PLAUR: variants seen among roughly 807,000 people sequenced by gnomAD.
PLAUR encodes urokinase plasminogen activator surface receptor.
In PLAUR, 22 loss-of-function variants were observed where a neutral mutation model predicts 33.4. The ratio of observed to expected loss-of-function variants is 0.66; its 90% CI spans 0.47 to 0.94. PLAUR has a LOEUF of 0.94. PLAUR is among the 40% of genes least tolerant of loss of function. PLAUR has a pLI of 0.00. For synonymous variants in PLAUR, 148 were observed against 167.3 expected, an observed-to-expected ratio of 0.88 and a Z score of 0.89; for missense variants, 408 against 434.7, an observed-to-expected ratio of 0.94 and a Z score of 0.55.
intron 6 of PLAUR, among the ~76,000 whole-genome samples, chr19:43,651,445 T>TG (rs1480870163): frequency 2.0e-5 from 3 of 151,142 alleles, no homozygotes; most frequent in Non-Finnish European, 4.4e-5. Context: ...GAGTTTTTTT[T>TG]TTTTTTTGAG....
intron 5 of PLAUR, among the ~76,000 whole-genome samples, chr19:43,653,758 T>C (rs1427671554): frequency 2.0e-5 from 3 of 152,174 alleles, no homozygotes; most frequent in Admixed American, 6.5e-5. Flanking sequence ...GGCAGAAGGA[T>C]TGCTTGAGCC....
chr19:43,648,585 G>T lies in PLAUR; in HGVS notation c.*305C>A. ...AAGGGCATACCTGGCCTTGTCCACTGGTACAAAATCTTTATGTAAGTATAA... is the reference window on the plus strand; with the variant it reads ...AAGGGCATACCTGGCCTTGTCCACTTGTACAAAATCTTTATGTAAGTATAA... On this transcript the variant is annotated 3_prime_UTR_variant, in exon 7 of 7. Coordinates refer to ENST00000340093, the MANE Select transcript of PLAUR (RefSeq NM_002659.4). 1 of 1,010,462 alleles carries T rather than the reference G, an allele frequency of 9.9e-7. No homozygotes were observed. 62.6% of individuals were successfully genotyped at this position (1,010,462 alleles called of 1,614,324 possible).
At chr19:43,666,674 TCTC>T (rs2146285240) in intron 2 of PLAUR, among the ~76,000 whole-genome samples, 1 of 151,608 alleles carries the variant, frequency 6.6e-6, no homozygotes, top group East Asian at 1.9e-4. Flanking sequence ...TTCAAACAAT[TCTC>T]CTGTCTCAGC....
In PLAUR at chr19:43,649,032, G is replaced by C. The variant is rs775762171; in HGVS notation, c.866C>G (p.Thr289Ser). 2 of 1,614,116 alleles carry C rather than the reference G, an allele frequency of 1.2e-6. No homozygotes were observed. Among genetic ancestry groups the C allele is most frequent in the East Asian group, 4.5e-5 (2 of 44,898 alleles). Reference sequence around the variant, plus strand: ...GTCTGGGTGGTTACAGCCACTTTTAGTACAGCAGGAGACATCAATGTGGTT... The same window carrying C: ...GTCTGGGTGGTTACAGCCACTTTTACTACAGCAGGAGACATCAATGTGGTT... ...SMNHIDVSCC[T>S]KSGCNHPDLD... Residue 289 changes from threonine to serine, a missense_variant, in exon 7 of 7, where the codon ACT (threonine) becomes AGT (serine). Thr to Ser is a moderately conservative substitution (Grantham distance 58). Coordinates refer to ENST00000340093, the MANE Select transcript of PLAUR (RefSeq NM_002659.4).
At chr19:43,655,628 A>G in intron 4 of PLAUR, 55 bp from the exon 5 acceptor site, 1 of 1,547,736 alleles carries the variant, frequency 6.5e-7, no homozygotes, top group South Asian at 1.2e-5. Flanking sequence ...AGGGACTAAG[A>G]TGGGATTTGC....
At chr19:43,666,450 TTTC>T (rs1308350859) in intron 2 of PLAUR, among the ~76,000 whole-genome samples, 4 of 151,910 alleles carry the variant, frequency 2.6e-5, no homozygotes, top group Non-Finnish European at 5.9e-5. Flanking sequence ...TCGTTTCCAT[TTTC>T]TTCTTTTCTT....
chr19:43,652,386 A>G lies in PLAUR; in HGVS notation c.608-15T>C, dbSNP rs1217188363. The G allele has an allele frequency of 8.7e-6, 14 of 1,610,542 alleles. No individual in the cohort carries two copies. Among genetic ancestry groups the G allele is most frequent in the Non-Finnish European group, 1.2e-5 (14 of 1,177,320 alleles). On this transcript the variant is annotated splice_polypyrimidine_tract_variant and intron_variant, in intron 5 of 6. Transcript: ENST00000340093. The stretch of plus-strand genomic sequence containing the variant: ...AAGCTCCAGGACTTAGGAGAAGACC[A>G]GAGACACAGAGACCAAGAAAATTAG...
At chr19:43,656,783 C>A in intron 3 of PLAUR, 143 bp from the exon 4 acceptor site, 1 of 660,582 alleles carries the variant, frequency 1.5e-6, no homozygotes. Flanking sequence ...CCTGCTGAAT[C>A]TTTCTAGAAT....
At chr19:43,655,955 T>C (rs964610576) in intron 4 of PLAUR, among the ~76,000 whole-genome samples, 2 of 152,018 alleles carry the variant, frequency 1.3e-5, no homozygotes, top group Non-Finnish European at 2.9e-5. Flanking sequence ...GGAAGTAATG[T>C]GTAAGAAACA....
intron 3 of PLAUR, among the ~76,000 whole-genome samples, chr19:43,657,163 C>T (rs770135562): frequency 1.3e-5 from 2 of 151,984 alleles, no homozygotes; most frequent in East Asian, 1.9e-4. Context: ...AGGCTGGTCT[C>T]GAACTCCTAA....
chr19:43,649,230 G>T, intron 6 of PLAUR, 87 bp from the exon 7 acceptor site: 2 of 1,447,264 alleles, frequency 1.4e-6, no homozygotes, highest in Non-Finnish European at 1.9e-6. Flanking sequence ...CCTTGCAGTG[G>T]GTGCCACCTT....
intron 3 of PLAUR, among the ~76,000 whole-genome samples, chr19:43,663,730 G>A (rs1056166488): frequency 6.7e-6 from 1 of 149,236 alleles, no homozygotes; most frequent in Non-Finnish European, 1.5e-5. Flanking sequence ...GCAGAGAGCC[G>A]AGATCGTGGC....
At chr19:43,658,102 G>A (rs1365273557) in intron 3 of PLAUR, among the ~76,000 whole-genome samples, 7 of 152,132 alleles carry the variant, frequency 4.6e-5, no homozygotes, top group Non-Finnish European at 8.8e-5. Context: ...TGGATATTAT[G>A]GAAATGATGG....
chr19:43,657,767 G>A (rs2146236530), intron 3 of PLAUR, among the ~76,000 whole-genome samples: 1 of 152,332 alleles, frequency 6.6e-6, no homozygotes, highest in South Asian at 2.1e-4. Flanking sequence ...CACATGGCCA[G>A]GGACAGATAA....
intron 3 of PLAUR, chr19:43,661,000 T>G (rs1966961590): frequency 6.6e-6 from 1 of 152,128 alleles, no homozygotes; most frequent in Admixed American, 6.6e-5. Context: ...TGGCAACCTG[T>G]GTCCCCAGCA....
chr19:43,657,564 G>C (rs1341354427), intron 3 of PLAUR, among the ~76,000 whole-genome samples: 1 of 152,114 alleles, frequency 6.6e-6, no homozygotes, highest in African/African-American at 2.4e-5. Context: ...TTCTTCAGGT[G>C]TCAGCTCTAA....
chr19:43,665,227 G>C lies in PLAUR; in HGVS notation c.310+89C>G, dbSNP rs942679449. On this transcript the variant is annotated intron_variant, in intron 3 of 6. Coordinates refer to ENST00000340093, the MANE Select transcript of PLAUR (RefSeq NM_002659.4). The stretch of plus-strand genomic sequence containing the variant: ...TAAGGCATGGAGTTGGGGTTCAGCT[G>C]ATGTAAAGTTAAGAATAGGATTGGG... The C allele has an allele frequency of 2.2e-6, 3 of 1,369,898 alleles. No homozygotes were observed. The African/African-American group carries it at 4.3e-5, about 20-fold the overall frequency. The allele number at this position is 1,369,898 out of a possible 1,614,324, so 84.9% of individuals were successfully genotyped here.
intron 1 of PLAUR, chr19:43,668,001 C>CT: frequency 8.3e-7 from 1 of 1,198,676 alleles, no homozygotes; most frequent in Non-Finnish European, 1.0e-6. Flanking sequence ...CCCGCCCTCT[C>CT]TATCAGTACG....
At chr19:43,664,789 C>T (rs914704862) in intron 3 of PLAUR, among the ~76,000 whole-genome samples, 4 of 152,168 alleles carry the variant, frequency 2.6e-5, no homozygotes, top group East Asian at 1.9e-4. Context: ...GACCATCTCC[C>T]GTCCCAATGG....
Sources: gnomAD v4.1 joint callset for allele counts (sites outside exome capture counted in the v4.1 genomes callset) on GRCh38, gnomAD v4.1.1 for gene constraint, MANE v1.5 for transcripts, NCBI Gene and HGNC (gene_info 2026-07-23, HGNC 2026-07-21) for gene names.